The following PSPC1 variants were observed in gnomAD, a reference collection of about 807,000 sequenced individuals.
The protein encoded by PSPC1 is paraspeckle component 1.
A neutral mutation model predicts 51.6 loss-of-function variants in PSPC1; 14 were observed. The ratio of observed to expected loss-of-function variants is 0.27; its 90% CI spans 0.18 to 0.42. The LOEUF is 0.42. Among genes scored for constraint, PSPC1 ranks in the 10% least tolerant of loss-of-function variants. The pLI is 1.00. For synonymous variants in PSPC1, 193 were observed against 231.9 expected (o/e 0.83, Z 1.53); for missense variants, 406 against 701.1 (o/e 0.58, Z 4.75).
At chr13:19,685,156 T>C (rs1042520556) in intron 6 of PSPC1, among the ~76,000 whole-genome samples, 5 of 152,216 alleles carry the variant, frequency 3.3e-5, no homozygotes, top group African/African-American at 1.2e-4. Flanking sequence ...CTCCACATCA[T>C]TTGTAAATGC....
intron 1 of PSPC1, among the ~76,000 whole-genome samples, chr13:19,781,921 T>C (rs1412082606): frequency 1.3e-5 from 2 of 152,222 alleles, no homozygotes; most frequent in Non-Finnish European, 2.9e-5. Flanking sequence ...GTGATACGTC[T>C]GGTCCGACTT....
Position 19,693,387 on chromosome 13 carries a change from A to T in PSPC1, c.1159-15564T>A, listed in dbSNP as rs868575265. On this transcript the variant is annotated intron_variant and NMD_transcript_variant, in intron 6 of 7. Transcript: ENST00000471658. ...TCTACATATACCCATTAAACTACAA[A>T]AGGACCATATTTTGTTCATTTTGGT... 9.9e-5 allele frequency among the ~76,000 whole-genome samples: 15 copies of T among 152,182 alleles called. 1 individual carries two copies. Among genetic ancestry groups the T allele is most frequent in the Admixed American group, 5.9e-4 (9 of 15,278 alleles).
At chr13:19,676,615 C>G (rs905415494) in intron 7 of PSPC1, among the ~76,000 whole-genome samples, 4 of 152,194 alleles carry the variant, frequency 2.6e-5, no homozygotes, top group Non-Finnish European at 5.9e-5. Flanking sequence ...TTTTGACTTG[C>G]AGGACTCTGT....
At chr13:19,734,128 G>GT (rs1884479002) in intron 5 of PSPC1, among the ~76,000 whole-genome samples, 1 of 152,000 alleles carries the variant, frequency 6.6e-6, no homozygotes, top group Admixed American at 6.6e-5. Context: ...GTCCATATAT[G>GT]TTTGCTTTCA....
At chr13:19,749,760 T>C (rs1886352124) in intron 4 of PSPC1, among the ~76,000 whole-genome samples, 1 of 151,428 alleles carries the variant, frequency 6.6e-6, no homozygotes, top group African/African-American at 2.4e-5. Context: ...GCCTCCCAAG[T>C]AGCTGGGATT....
chr13:19,729,050 C>A (rs1285605980), intron 6 of PSPC1, among the ~76,000 whole-genome samples: 2 of 152,118 alleles, frequency 1.3e-5, no homozygotes, highest in Non-Finnish European at 2.9e-5. Flanking sequence ...CCATCAGTAT[C>A]TCTGTGGTGG....
intron 5 of PSPC1, among the ~76,000 whole-genome samples, chr13:19,730,960 AAAAAC>A (rs1181592413): frequency 0.1 from 2,475 of 24,072 alleles, 245 homozygotes; most frequent in Non-Finnish European, 0.18. Flanking sequence ...AAAAAAACAA[AAAAAC>A]AAAAAAAAAA....
intron 6 of PSPC1, among the ~76,000 whole-genome samples, chr13:19,713,847 A>G (rs752217482): frequency 6.6e-6 from 1 of 152,204 alleles, no homozygotes; most frequent in Non-Finnish European, 1.5e-5. Flanking sequence ...CACAGTCACA[A>G]CTATTTCATG....
intron 6 of PSPC1, among the ~76,000 whole-genome samples, chr13:19,724,764 CCG>C (rs1883166011): frequency 6.6e-6 from 1 of 152,088 alleles, no homozygotes; most frequent in Non-Finnish European, 1.5e-5. Flanking sequence ...CTTTGGGAGG[CCG>C]AGCGGGCGGA....
intron 6 of PSPC1, among the ~76,000 whole-genome samples, chr13:19,688,033 A>G (rs937944418): frequency 2.0e-5 from 3 of 152,014 alleles, no homozygotes; most frequent in African/African-American, 4.8e-5. Flanking sequence ...GCTCATTTGA[A>G]GTTGATACCT....
chr13:19,687,679 A>C (rs112780872), intron 6 of PSPC1, among the ~76,000 whole-genome samples: 1 of 152,080 alleles, frequency 6.6e-6, no homozygotes, highest in Non-Finnish European at 1.5e-5. Context: ...CCCAGTCGTG[A>C]CCATATCATA....
At chr13:19,767,794 A>G (rs1400486275) in intron 2 of PSPC1, among the ~76,000 whole-genome samples, 1 of 152,200 alleles carries the variant, frequency 6.6e-6, no homozygotes, top group Admixed American at 6.5e-5. Flanking sequence ...AGAAAACATG[A>G]GAAAAGCTCT....
At chr13:19,762,521 T>C (rs1485371481) in intron 2 of PSPC1, among the ~76,000 whole-genome samples, 3 of 152,060 alleles carry the variant, frequency 2.0e-5, no homozygotes, top group African/African-American at 4.8e-5. Context: ...GATCGTGCCA[T>C]TGCACTCCAG....
intron 6 of PSPC1, among the ~76,000 whole-genome samples, chr13:19,714,484 C>T (rs571336878): frequency 1.9e-4 from 29 of 150,974 alleles, no homozygotes; most frequent in Admixed American, 1.7e-3. Flanking sequence ...TCAAAGCAGC[C>T]CAGCGGATTT....
intron 6 of PSPC1, chr13:19,678,080 A>G (rs1471086708): frequency 1.0e-5 from 3 of 288,802 alleles, no homozygotes; most frequent in African/African-American, 2.3e-5. Context: ...ATTAAGTCCT[A>G]AATACCAAAT....
chr13:19,697,304 T>C lies in PSPC1; in HGVS notation c.1159-19481A>G, dbSNP rs138871062. Among the ~76,000 whole-genome samples the C allele has an allele frequency of 4.5e-3, 693 of 152,318 alleles. 5 individuals carry two copies. Among genetic ancestry groups the C allele is most frequent in the South Asian group, 0.027 (128 of 4,822 alleles). On this transcript the variant is annotated intron_variant and NMD_transcript_variant, in intron 6 of 7. Transcript: ENST00000471658. ...TAATGAGCCTCCCAGGTGATTCTAATGCATGCTCAAGTGTGAGAACCACTA... is the reference window on the plus strand; with the variant it reads ...TAATGAGCCTCCCAGGTGATTCTAACGCATGCTCAAGTGTGAGAACCACTA...
intron 6 of PSPC1, among the ~76,000 whole-genome samples, chr13:19,684,532 C>T (rs992205167): frequency 1.3e-5 from 2 of 152,150 alleles, no homozygotes; most frequent in South Asian, 2.1e-4. Flanking sequence ...ACACCACACA[C>T]GTAAAACCAT....
intron 2 of PSPC1, among the ~76,000 whole-genome samples, chr13:19,768,344 C>T (rs1239000843): frequency 6.6e-6 from 1 of 151,924 alleles, no homozygotes; most frequent in Non-Finnish European, 1.5e-5. Flanking sequence ...GACAATCTGC[C>T]CAATTAAAAA....
At chr13:19,673,797 C>T (rs887610661), downstream of PSPC1, among the ~76,000 whole-genome samples, 4 of 152,162 alleles carry the variant, frequency 2.6e-5, no homozygotes, top group Admixed American at 6.5e-5. Context: ...AAAGCCTGAG[C>T]AATGATCCCT....
Sources: allele counts gnomAD v4.1 joint callset (sites outside exome capture counted in the v4.1 genomes callset), GRCh38; gene constraint gnomAD v4.1.1; transcripts MANE v1.5; gene names NCBI Gene and HGNC (gene_info 2026-07-23, HGNC 2026-07-21).